GAS2L3: variants seen among roughly 807,000 people sequenced by gnomAD.
GAS2L3 encodes the protein GAS2-like protein 3.
GAS2L3 carries 28 observed loss-of-function variants against 37.0 expected under a neutral mutation model. That is an observed-to-expected ratio of 0.76 (90% confidence interval 0.56 to 1.04). GAS2L3 has a LOEUF of 1.04. Ranked by LOEUF, GAS2L3 falls within the 50% of genes least tolerant of loss-of-function variation. The probability of loss-of-function intolerance (pLI) is 0.00; values close to 1 mark genes in which losing one functional copy is unlikely to be tolerated. For synonymous variants in GAS2L3, 290 were observed against 296.6 expected (o/e 0.98, Z 0.23); for missense variants, 793 against 817.6 (o/e 0.97, Z 0.37).
At chr12:100,581,531 C>A (rs1269225829) in intron 1 of GAS2L3, among the ~76,000 whole-genome samples, 1 of 152,186 alleles carries the variant, frequency 6.6e-6, no homozygotes, top group Non-Finnish European at 1.5e-5. Context: ...AAACTTACTA[C>A]TTTCTAAAAA....
chr12:100,605,330 G>A (rs1344137989), intron 5 of GAS2L3, among the ~76,000 whole-genome samples: 1 of 151,696 alleles, frequency 6.6e-6, no homozygotes, highest in Non-Finnish European at 1.5e-5. Flanking sequence ...TTAAATTTCT[G>A]TGGTATCAGT....
At chr12:100,599,495 T>A (rs35686) in intron 3 of GAS2L3, among the ~76,000 whole-genome samples, 41,509 of 152,080 alleles carry the variant, frequency 0.27, 6,043 homozygotes, top group African/African-American at 0.36. Flanking sequence ...ATGTACAAAC[T>A]ATTCTTAGCT....
intron 4 of GAS2L3, among the ~76,000 whole-genome samples, 169 bp from the exon 5 acceptor site, chr12:100,601,464 ATTAAG>A (rs1185126890): frequency 5.3e-5 from 8 of 152,200 alleles, no homozygotes; most frequent in South Asian, 2.1e-4. Flanking sequence ...TTTCAGTATC[ATTAAG>A]TTAACTGGCC....
intron 1 of GAS2L3, among the ~76,000 whole-genome samples, chr12:100,575,647 A>G (rs956710219): frequency 6.6e-6 from 1 of 151,554 alleles, no homozygotes. Flanking sequence ...CGCCCAGCTG[A>G]TTTTTGTATT....
chr12:100,574,448 C>G (rs1434118702), intron 1 of GAS2L3, among the ~76,000 whole-genome samples: 1 of 152,132 alleles, frequency 6.6e-6, no homozygotes, highest in Non-Finnish European at 1.5e-5. Flanking sequence ...GGAGGACTGC[C>G]CGGGGAGAGG....
At chr12:100,584,811 A>G (rs1565797696) in intron 1 of GAS2L3, among the ~76,000 whole-genome samples, 1 of 150,750 alleles carries the variant, frequency 6.6e-6, no homozygotes. Flanking sequence ...GACCTCGTGA[A>G]CCACCCACCT....
intron 1 of GAS2L3, among the ~76,000 whole-genome samples, chr12:100,581,380 TG>T (rs1362629485): frequency 1.3e-5 from 2 of 152,196 alleles, no homozygotes; most frequent in Admixed American, 6.6e-5. Flanking sequence ...ATTATCCACA[TG>T]GTGTGTATTA....
chr12:100,595,947 T>C lies in GAS2L3; in HGVS notation c.18+1025T>C, dbSNP rs1057244632. 2.6e-5 allele frequency among the ~76,000 whole-genome samples: 4 copies of C among 152,124 alleles called. No homozygotes were observed. In the East Asian group the frequency reaches 5.8e-4, roughly 22 times the overall value. On this transcript the variant is annotated intron_variant, in intron 3 of 9. Coordinates refer to ENST00000547754, the MANE Select transcript of GAS2L3 (RefSeq NM_174942.3). ...GTCAGTCTTTCCTTCCCCTCCTCCT[T>C]CTTCTCTTCTTTCCTTTCCTTTCCC...
chr12:100,583,475 C>T (rs189737691), intron 1 of GAS2L3, among the ~76,000 whole-genome samples: 40 of 152,374 alleles, frequency 2.6e-4, no homozygotes, highest in African/African-American at 9.1e-4. Flanking sequence ...CCTCTGCCTA[C>T]ACAGAAACCT....
At chr12:100,608,758 G>A (rs573706246) in intron 5 of GAS2L3, among the ~76,000 whole-genome samples, 124 of 152,142 alleles carry the variant, frequency 8.2e-4, no homozygotes, top group African/African-American at 2.7e-3. Flanking sequence ...TGATCCGCCC[G>A]CCTCGGCCTC....
intron 5 of GAS2L3, among the ~76,000 whole-genome samples, chr12:100,602,092 CTCT>C (rs1354923274): frequency 6.6e-6 from 1 of 152,100 alleles, no homozygotes; most frequent in Non-Finnish European, 1.5e-5. Context: ...GTAGATCCAG[CTCT>C]TCTTGAGAAC....
At chr12:100,595,024 A>T (rs1955893496) in intron 3 of GAS2L3, 102 bp downstream of exon 3, 5 of 495,058 alleles carry the variant, frequency 1.0e-5, no homozygotes. Context: ...TTATTGTGCT[A>T]GTTTTTTTAA....
At chr12:100,589,057 C>T (rs556428247) in intron 1 of GAS2L3, among the ~76,000 whole-genome samples, 5 of 152,026 alleles carry the variant, frequency 3.3e-5, no homozygotes, top group East Asian at 1.9e-4. Flanking sequence ...CCTCAGCTTA[C>T]GAAGATAACA....
At chr12:100,618,139 A>G (rs1956210195) in intron 7 of GAS2L3, among the ~76,000 whole-genome samples, 1 of 152,144 alleles carries the variant, frequency 6.6e-6, no homozygotes, top group South Asian at 2.1e-4. Context: ...GCAGAAGGCA[A>G]GGAGTGGTGT....
intron 3 of GAS2L3, among the ~76,000 whole-genome samples, chr12:100,595,427 G>C (rs1364137049): frequency 6.7e-6 from 1 of 150,172 alleles, no homozygotes; most frequent in African/African-American, 2.4e-5. Flanking sequence ...GTTTTTTGTG[G>C]AGGGGTGCAA....
At chr12:100,597,032 C>T (rs1334826733) in intron 3 of GAS2L3, among the ~76,000 whole-genome samples, 3 of 151,894 alleles carry the variant, frequency 2.0e-5, no homozygotes, top group Admixed American at 6.6e-5. Flanking sequence ...TTACTAAAGT[C>T]GTCTGCTTGC....
intron 4 of GAS2L3, 55 bp downstream of exon 4, chr12:100,600,605 T>C: frequency 7.5e-7 from 1 of 1,340,478 alleles, no homozygotes. Flanking sequence ...ATGCATTTAT[T>C]GAGAGCCTTA....
intron 5 of GAS2L3, among the ~76,000 whole-genome samples, chr12:100,605,708 AG>A (rs1169762393): frequency 5.3e-5 from 8 of 151,924 alleles, no homozygotes; most frequent in African/African-American, 1.7e-4. Context: ...ATTTTTTTCA[AG>A]AAATTTTTCA....
intron 1 of GAS2L3, among the ~76,000 whole-genome samples, chr12:100,588,264 TAAAG>T (rs1451914087): frequency 3.9e-5 from 6 of 151,940 alleles, no homozygotes; most frequent in Non-Finnish European, 5.9e-5. Flanking sequence ...GACTGAGAAA[TAAAG>T]AGAGACAGTA....
Sources: gnomAD v4.1 joint callset for allele counts (sites outside exome capture counted in the v4.1 genomes callset) on GRCh38, gnomAD v4.1.1 for gene constraint, MANE v1.5 for transcripts, NCBI Gene and HGNC (gene_info 2026-07-23, HGNC 2026-07-21) for gene names.